Variants in IQGAP1 observed in about 807,000 individuals in gnomAD.
The protein encoded by IQGAP1 is IQ motif containing GTPase activating protein 1, also known as ras GTPase-activating-like protein IQGAP1.
A neutral mutation model predicts 215.6 loss-of-function variants in IQGAP1; 66 were observed. The observed-to-expected ratio is 0.31, with a 90% CI of 0.25 to 0.38. The LOEUF is 0.38. IQGAP1 is among the 10% of genes least tolerant of loss of function. The pLI, the probability that IQGAP1 is intolerant of heterozygous loss-of-function variation, is 1.00. For synonymous variants in IQGAP1, 772 were observed against 728.7 expected, an observed-to-expected ratio of 1.06 and a Z score of -0.96; for missense variants, 1,712 against 1,997.1, an observed-to-expected ratio of 0.86 and a Z score of 2.72.
intron 2 of IQGAP1, among the ~76,000 whole-genome samples, chr15:90,395,434 G>C (rs1046609537): frequency 7.9e-5 from 12 of 151,908 alleles, no homozygotes; most frequent in South Asian, 2.1e-4. Context: ...CATTCTCCTG[G>C]CTCAGCCTCC....
chr15:90,491,866 G>A (rs1469660288), intron 34 of IQGAP1, among the ~76,000 whole-genome samples: 3 of 152,078 alleles, frequency 2.0e-5, no homozygotes, highest in African/African-American at 4.8e-5. Context: ...TGATTAAATC[G>A]TTGATTTGTA....
In IQGAP1 at chr15:90,490,819, G is replaced by T. The variant is rs1001265235; in HGVS notation, c.4249-514G>T. Among the ~76,000 whole-genome samples, 41 of 152,028 alleles carry T rather than the reference G, an allele frequency of 2.7e-4. 3 individuals carry two copies. Among genetic ancestry groups the T allele is most frequent in the Admixed American group, 1.6e-3 (25 of 15,270 alleles). ...TGATTTGTTTGTTTGCTTGTTTTTT[G>T]TTTTTTTGAGACGGAGTCTCGCTCT... On this transcript the variant is annotated intron_variant, in intron 33 of 37. Transcript: ENST00000268182.
At chr15:90,459,139 C>T (rs757098021) in intron 15 of IQGAP1, among the ~76,000 whole-genome samples, 1 of 152,280 alleles carries the variant, frequency 6.6e-6, no homozygotes, top group Non-Finnish European at 1.5e-5. Context: ...CTTCTGAAGG[C>T]TATGGTTCTA....
At chr15:90,410,431 C>T (rs1964943389) in intron 2 of IQGAP1, among the ~76,000 whole-genome samples, 1 of 152,140 alleles carries the variant, frequency 6.6e-6, no homozygotes, top group Admixed American at 6.6e-5. Flanking sequence ...CACTTGGAAC[C>T]AACCCAAATG....
chr15:90,393,942 C>G (rs1964674732), intron 2 of IQGAP1: 1 of 152,120 alleles, frequency 6.6e-6, no homozygotes, highest in Non-Finnish European at 1.5e-5. Context: ...CGAGACCAGC[C>G]TGACCAACAT....
rs768360299 is a variant in IQGAP1 at position 90,426,095 on chromosome 15, T to A, written c.156-15T>A. 6.3e-7 allele frequency: 1 copy of A among 1,586,362 alleles called. No individual in the cohort carries two copies. ...CTTCCCTTTCTTTTTTTGCATCCTC[T>A]CTCCTTTGGTGCAGGTGGATGGAAG... is the stretch of plus-strand genomic sequence containing the variant. On this transcript the variant is annotated splice_polypyrimidine_tract_variant and intron_variant, in intron 2 of 37. Coordinates refer to ENST00000268182, the MANE Select transcript of IQGAP1 (RefSeq NM_003870.4).
chr15:90,419,653 C>T (rs981549745), intron 2 of IQGAP1, among the ~76,000 whole-genome samples: 5 of 152,110 alleles, frequency 3.3e-5, no homozygotes, highest in African/African-American at 4.8e-5. Flanking sequence ...TCGAGTCTAT[C>T]ATGAAGGTAT....
chr15:90,469,928 C>T (rs1266417957), intron 18 of IQGAP1, among the ~76,000 whole-genome samples: 2 of 152,012 alleles, frequency 1.3e-5, no homozygotes, highest in African/African-American at 4.8e-5. Flanking sequence ...GACAAGAGGC[C>T]CAGGTTGAAG....
chr15:90,477,180 G>A lies in IQGAP1; in HGVS notation c.3054G>A (p.Glu1018=). The A allele has an allele frequency of 1.2e-6, 2 of 1,614,070 alleles. No individual in the cohort carries two copies. The highest frequency in any genetic ancestry group is 8.5e-7 in the Non-Finnish European group (1 of 1,180,002). The change falls in exon 25 of 38, where the codon GAG becomes GAA. Residue 1018 remains glutamate (E), a synonymous_variant. Transcript: ENST00000268182. ...TLYNYASNQR[E]EYLLLRLFKT... The stretch of plus-strand genomic sequence containing the variant: ...ACAACTACGCGTCCAACCAGCGAGA[G>A]GAGTACCTGCTCCTGCGGCTCTTTA...
intron 2 of IQGAP1, among the ~76,000 whole-genome samples, chr15:90,410,256 A>G (rs1460701821): frequency 1.3e-5 from 2 of 152,190 alleles, no homozygotes; most frequent in Non-Finnish European, 2.9e-5. Flanking sequence ...TCCTAGTTCA[A>G]CCATTGTGGA....
rs372556267 is a variant in IQGAP1, at chr15:90,453,046, T to A, written c.1327-86T>A. On this transcript the variant is annotated intron_variant, in intron 12 of 37. Transcript: ENST00000268182. ...GAACTTTTTTGCATAAACTTGGTTT[T>A]CTTACAGTTTTATTAAACTTATAAC... The A allele has an allele frequency of 7.6e-5, 118 of 1,553,532 alleles. 2 individuals are homozygous for A. The African/African-American group carries it at 1.2e-3, about 16-fold the overall frequency.
chr15:90,477,051 C>T lies in IQGAP1; in HGVS notation c.2941-16C>T, dbSNP rs1468920201. On this transcript the variant is annotated splice_polypyrimidine_tract_variant and intron_variant, in intron 24 of 37. Transcript: ENST00000268182. ...TATATTACCTACAAATGACTTATCC[C>T]TTGGTTTTATTTCAGACCAATCCCA... The T allele has an allele frequency of 1.1e-5, 17 of 1,612,290 alleles. No individual in the cohort carries two copies. The highest frequency in any genetic ancestry group is 1.0e-5 in the Non-Finnish European group (12 of 1,178,962).
intron 5 of IQGAP1, among the ~76,000 whole-genome samples, chr15:90,435,212 C>G (rs1965354615): frequency 6.6e-6 from 1 of 152,168 alleles, no homozygotes; most frequent in South Asian, 2.1e-4. Context: ...TACAGTGGCT[C>G]TCACCTGTAA....
chr15:90,456,327 C>T lies in IQGAP1; in HGVS notation c.1776+12C>T, dbSNP rs544660792. 15 of 1,613,262 alleles carry T rather than the reference C, an allele frequency of 9.3e-6. No individual in the cohort carries two copies. Among genetic ancestry groups the T allele is most frequent in the South Asian group, 8.8e-5 (8 of 91,008 alleles). The stretch of plus-strand genomic sequence containing the variant: ...GAGAGAAAGCCCAGGTGAGTGGCAT[C>T]GGAATTGTTCTTTATGTTCAGAGCA... On this transcript the variant is annotated intron_variant, in intron 15 of 37. Coordinates refer to ENST00000268182, the MANE Select transcript of IQGAP1 (RefSeq NM_003870.4).
At chr15:90,499,856 C>T (rs566359305) in intron 37 of IQGAP1, 139 bp from the exon 38 acceptor site, 13 of 579,270 alleles carry the variant, frequency 2.2e-5, no homozygotes, top group South Asian at 4.6e-5. Flanking sequence ...ACTTTTCTTT[C>T]GCCCCAGTTC....
chr15:90,393,166 C>T (rs1964660871), intron 2 of IQGAP1, among the ~76,000 whole-genome samples: 2 of 106,450 alleles, frequency 1.9e-5, no homozygotes, highest in East Asian at 4.0e-4. Flanking sequence ...TTCAGTAGGT[C>T]GGGGTGGGAG....
chr15:90,394,195 T>TTG (rs1964681236), intron 2 of IQGAP1, among the ~76,000 whole-genome samples: 2 of 150,892 alleles, frequency 1.3e-5, no homozygotes, highest in Admixed American at 6.6e-5. Flanking sequence ...CAGGTTTTTT[T>TTG]TTTTTTTTTT....
chr15:90,400,016 T>A (rs902038201), intron 2 of IQGAP1, among the ~76,000 whole-genome samples: 1 of 152,120 alleles, frequency 6.6e-6, no homozygotes, highest in Non-Finnish European at 1.5e-5. Context: ...GTAACTTGAT[T>A]TTTTTTTCCT....
intron 29 of IQGAP1, 128 bp from the exon 30 acceptor site, chr15:90,484,092 C>CT (rs1366116068): frequency 1.3e-6 from 1 of 794,846 alleles, no homozygotes; most frequent in East Asian, 2.5e-5. Flanking sequence ...ACACACAGCA[C>CT]TTTCTCTTGA....
Sources: gnomAD v4.1 joint callset for allele counts (sites outside exome capture counted in the v4.1 genomes callset) on GRCh38, gnomAD v4.1.1 for gene constraint, MANE v1.5 for transcripts, NCBI Gene and HGNC (gene_info 2026-07-23, HGNC 2026-07-21) for gene names.